Variants in BRWD1 observed in about 807,000 individuals in gnomAD.
BRWD1 encodes bromodomain and WD repeat-containing protein 1.
A neutral mutation model predicts 251.2 loss-of-function variants in BRWD1; 82 were observed. The observed-to-expected ratio is 0.33, with a 90% confidence interval of 0.27 to 0.39. The LOEUF (loss-of-function observed/expected upper bound fraction) is 0.39, where lower values mean the gene tolerates loss of function less well. BRWD1 is among the 10% of genes least tolerant of loss of function. BRWD1 has a pLI of 1.00. For missense variants in BRWD1, 2,233 were observed against 2,711.6 expected, an observed-to-expected ratio of 0.82 and a Z score of 3.92; for synonymous variants, 918 against 902.8, an observed-to-expected ratio of 1.02 and a Z score of -0.30.
chr21:39,191,787 C>T lies in BRWD1; in HGVS notation c.*4472G>A, dbSNP rs1233942543. 2 of 984,914 alleles carry T rather than the reference C, an allele frequency of 2.0e-6. No homozygotes were observed. Among genetic ancestry groups the T allele is most frequent in the Non-Finnish European group, 2.4e-6 (2 of 829,624 alleles). The allele number at this position is 984,914 out of a possible 1,614,324, so 61.0% of individuals were successfully genotyped here. On this transcript the variant is annotated 3_prime_UTR_variant, in exon 41 of 41. Coordinates refer to ENST00000342449, the MANE Select transcript of BRWD1 (RefSeq NM_033656.4). The stretch of plus-strand genomic sequence containing the variant: ...ACTGGTCATCTCATTTCAGTTAGGT[C>T]AATTGGACTGCCTCTTCTCTTTGGC...
intron 19 of BRWD1, among the ~76,000 whole-genome samples, chr21:39,255,005 C>A (rs2034515264): frequency 1.3e-5 from 2 of 152,074 alleles, no homozygotes; most frequent in South Asian, 4.1e-4. Context: ...TTTAAAATTT[C>A]TTATCTTTAG....
rs1489478662 is a variant in BRWD1, at chr21:39,193,925, C to CA, written c.*2333dup. The CA allele has an allele frequency of 1.9e-5, 19 of 985,154 alleles. No individual in the cohort carries two copies. The highest frequency in any genetic ancestry group is 1.1e-4 in the East Asian group (1 of 8,826). 61.0% of individuals were successfully genotyped at this position (985,154 alleles called of 1,614,324 possible). A position where few individuals can be genotyped will look rare whatever the true frequency, so the allele number is the denominator to read the frequency against. ...TTAACCTTAGGAATAGCACCATAAC[C>CA]AAAAAAACCCATAAAAATTATTTTC... On this transcript the variant is annotated 3_prime_UTR_variant, in exon 41 of 41. Coordinates refer to ENST00000342449, the MANE Select transcript of BRWD1 (RefSeq NM_033656.4).
At chr21:39,293,767 G>A in intron 8 of BRWD1, 44 bp downstream of exon 8, 5 of 1,482,324 alleles carry the variant, frequency 3.4e-6, no homozygotes, top group Non-Finnish European at 3.7e-6. Context: ...AAAGAAAAAG[G>A]TGAAAATACA....
intron 23 of BRWD1, 134 bp downstream of exon 23, chr21:39,236,461 A>G: frequency 2.5e-6 from 2 of 793,200 alleles, no homozygotes; most frequent in Non-Finnish European, 3.9e-6. Flanking sequence ...CGCCCAGACC[A>G]GCCCCAGAGC....
At chr21:39,313,207 C>T (rs2036573117) in intron 2 of BRWD1, 34 bp downstream of exon 2, 4 of 1,524,820 alleles carry the variant, frequency 2.6e-6, no homozygotes, top group Non-Finnish European at 2.7e-6. Context: ...ACTGGGGACG[C>T]CAAGTCCGCA....
intron 19 of BRWD1, 149 bp from the exon 20 acceptor site, chr21:39,251,038 T>A (rs560253020): frequency 3.7e-5 from 21 of 571,782 alleles, no homozygotes; most frequent in African/African-American, 3.2e-4. Flanking sequence ...ATGTTAAAAA[T>A]TTATATGAAT....
chr21:39,230,548 G>A (rs2033571538), intron 25 of BRWD1, among the ~76,000 whole-genome samples: 1 of 152,256 alleles, frequency 6.6e-6, no homozygotes, highest in Admixed American at 6.5e-5. Flanking sequence ...GGTTTTATGC[G>A]TGTTTCCGTT....
chr21:39,299,773 G>C (rs538029432), intron 4 of BRWD1, among the ~76,000 whole-genome samples: 11 of 151,202 alleles, frequency 7.3e-5, no homozygotes, highest in Admixed American at 3.3e-4. Flanking sequence ...TCAAGAGCTC[G>C]AGACCAGCCT....
At position 39,192,871 on chromosome 21, in the gene BRWD1, A is replaced by C. The variant is rs531727132; in HGVS notation, c.*3388T>G. On this transcript the variant is annotated 3_prime_UTR_variant, in exon 41 of 41. Coordinates refer to ENST00000342449, the MANE Select transcript of BRWD1 (RefSeq NM_033656.4). ...ACTTGTACTAACAGAAAATATTAAAATTCTTCCTATTTTTAATATCAAACA... is the reference window on the plus strand; with the variant it reads ...ACTTGTACTAACAGAAAATATTAAACTTCTTCCTATTTTTAATATCAAACA... 4.2e-6 allele frequency: 4 copies of C among 956,202 alleles called. No homozygotes were observed. The South Asian group carries it at 1.9e-4, about 46-fold the overall frequency. The allele number at this position is 956,202 out of a possible 1,614,324, so 59.2% of individuals were successfully genotyped here. A position where few individuals can be genotyped will look rare whatever the true frequency, so the allele number is the denominator to read the frequency against.
At chr21:39,215,016 C>G (rs185289410) in intron 32 of BRWD1, among the ~76,000 whole-genome samples, 3 of 151,324 alleles carry the variant, frequency 2.0e-5, no homozygotes, top group African/African-American at 7.3e-5. Context: ...CTCAGCCACC[C>G]GCCACCACGC....
intron 21 of BRWD1, among the ~76,000 whole-genome samples, chr21:39,244,023 G>A (rs1271806101): frequency 2.0e-5 from 3 of 151,908 alleles, no homozygotes; most frequent in Non-Finnish European, 4.4e-5. Flanking sequence ...ATCCTCAAGT[G>A]AACTGATGCT....
intron 8 of BRWD1, among the ~76,000 whole-genome samples, chr21:39,289,176 T>C (rs114488108): frequency 0.016 from 2,400 of 152,334 alleles, 62 homozygotes; most frequent in African/African-American, 0.055. Flanking sequence ...TGTTTTACTT[T>C]CTTTATTAGT....
At chr21:39,294,059 A>G in intron 7 of BRWD1, 27 bp from the exon 8 acceptor site, 3 of 1,568,518 alleles carry the variant, frequency 1.9e-6, no homozygotes, top group South Asian at 1.1e-5. Context: ...CCAAAAATTA[A>G]TGTTAGTACA....
rs1033096814 is a variant in BRWD1 at position 39,196,327 on chromosome 21, TCA to T, written c.6740_6741del (p.Val2247GlufsTer4). ...CTGTCATCATCCCCATCATGGTATCTCACAGTCCTTCTACCCTGATTTCTCGT... is the reference window on the plus strand; with the variant it reads ...CTGTCATCATCCCCATCATGGTATCTCAGTCCTTCTACCCTGATTTCTCGT... ...IKTRNQGRRTVRYHDGDDDRS... is the reference protein window; with the variant it reads ...IKTRNQGRRTXRYHDGDDDRS... On this transcript the variant is annotated frameshift_variant, in exon 41 of 41. Transcript: ENST00000342449. LOFTEE classifies it high-confidence loss of function. 8.1e-6 allele frequency: 13 copies of T among 1,613,082 alleles called. No homozygotes were observed. The highest frequency in any genetic ancestry group is 1.1e-5 in the South Asian group (1 of 90,960).
At chr21:39,311,586 T>C (rs1049914092) in intron 4 of BRWD1, among the ~76,000 whole-genome samples, 1 of 152,246 alleles carries the variant, frequency 6.6e-6, no homozygotes, top group African/African-American at 2.4e-5. Flanking sequence ...GATAAGGCTA[T>C]ATTATCCGTG....
At chr21:39,280,368 T>C in intron 8 of BRWD1, 120 bp from the exon 9 acceptor site, 1 of 710,736 alleles carries the variant, frequency 1.4e-6, no homozygotes, top group Non-Finnish European at 2.4e-6. Flanking sequence ...AAATCCAAAA[T>C]ATAGGTAATA....
rs772030287 is a variant in BRWD1 at position 39,210,079 on chromosome 21, A to C, written c.4113T>G (p.Asn1371Lys). 6 of 1,613,514 alleles carry C rather than the reference A, an allele frequency of 3.7e-6. No homozygotes were observed. In the South Asian group the frequency reaches 6.6e-5, roughly 18 times the overall value. Residue 1371 changes from asparagine to lysine, a missense_variant, in exon 36 of 41, where the codon AAT becomes AAG. By Grantham distance (94) the Asn-to-Lys change is moderately conservative (BLOSUM62 0). Coordinates refer to ENST00000342449, the MANE Select transcript of BRWD1 (RefSeq NM_033656.4). ...GTVRETLDAG[N>K]YDSPLEFCKD... ...TGCAAAACTCCAAAGGGCTGTCATA[A>C]TTTCCCGCATCTAGAGTTTCCCTTA... is the stretch of plus-strand genomic sequence containing the variant.
chr21:39,293,396 G>A (rs1311170944), intron 8 of BRWD1, among the ~76,000 whole-genome samples: 1 of 151,782 alleles, frequency 6.6e-6, no homozygotes, highest in Non-Finnish European at 1.5e-5. Flanking sequence ...GGGAGGCTGA[G>A]GCACAAGAAT....
intron 4 of BRWD1, among the ~76,000 whole-genome samples, chr21:39,307,428 A>G (rs540988223): frequency 5.8e-4 from 88 of 152,266 alleles, no homozygotes; most frequent in Non-Finnish European, 1.1e-3. Context: ...TATGAATATC[A>G]ATGTATTATA....
Sources: allele counts gnomAD v4.1 joint callset (sites outside exome capture counted in the v4.1 genomes callset), GRCh38; gene constraint gnomAD v4.1.1; transcripts MANE v1.5; gene names NCBI Gene and HGNC (gene_info 2026-07-23, HGNC 2026-07-21).